HEATR5B: variants seen among roughly 807,000 people sequenced by gnomAD.
HEATR5B encodes the protein HEAT repeat-containing protein 5B.
In HEATR5B, 156 loss-of-function variants were observed where a neutral mutation model predicts 224.1. That is an observed-to-expected ratio of 0.70 (90% CI 0.61 to 0.80). HEATR5B has a LOEUF of 0.80. HEATR5B is among the 30% of genes least tolerant of loss of function. HEATR5B has a pLI of 0.00. For synonymous variants in HEATR5B, 1,027 were observed against 893.0 expected (o/e 1.15, Z -2.68); for missense variants, 2,323 against 2,535.5 (o/e 0.92, Z 1.80).
chr2:36,989,002 G>GAA, intron 34 of HEATR5B, 143 bp from the exon 35 acceptor site: 1 of 633,300 alleles, frequency 1.6e-6, no homozygotes, highest in Non-Finnish European at 2.7e-6. Flanking sequence ...GAGAAATGGA[G>GAA]TAGAATAGAA....
chr2:37,053,401 G>C (rs746230934), intron 17 of HEATR5B, 101 bp downstream of exon 17: 7 of 522,422 alleles, frequency 1.3e-5, no homozygotes, highest in Non-Finnish European at 1.6e-5. Flanking sequence ...CAGTTACCAA[G>C]TGATTTACAT....
At chr2:36,985,013 C>A (rs759363284) in intron 35 of HEATR5B, among the ~76,000 whole-genome samples, 20 of 152,068 alleles carry the variant, frequency 1.3e-4, no homozygotes, top group Non-Finnish European at 2.4e-4. Context: ...TAGCTTATAA[C>A]CTTGGTCATG....
intron 6 of HEATR5B, among the ~76,000 whole-genome samples, chr2:37,071,130 A>ACATCATCATCATCAT (rs57358811): frequency 6.6e-6 from 1 of 151,084 alleles, no homozygotes; most frequent in East Asian, 1.9e-4. Flanking sequence ...TTAAAACATT[A>ACATCATCATCATCAT]CATCATCATC....
chr2:37,013,771 A>G (rs2148415539), intron 27 of HEATR5B, 70 bp downstream of exon 27: 1 of 1,347,736 alleles, frequency 7.4e-7, no homozygotes, highest in East Asian at 2.4e-5. Flanking sequence ...TTTACCAACA[A>G]GAGTAGAGGA....
At chr2:36,999,565 G>C (rs1335589858) in intron 33 of HEATR5B, among the ~76,000 whole-genome samples, 1 of 151,918 alleles carries the variant, frequency 6.6e-6, no homozygotes, top group East Asian at 1.9e-4. Flanking sequence ...TGTAGTCCCA[G>C]CTACTTGGGA....
Position 37,074,734 on chromosome 2 carries a change from A to G in HEATR5B, c.597+751T>C, listed in dbSNP as rs188307135. Among the ~76,000 whole-genome samples the G allele has an allele frequency of 1.2e-4, 18 of 152,378 alleles. No homozygotes were observed. In the East Asian group the frequency reaches 3.3e-3, roughly 28 times the overall value. On this transcript the variant is annotated intron_variant, in intron 5 of 35. Coordinates refer to ENST00000233099, the MANE Select transcript of HEATR5B (RefSeq NM_019024.3). ...AAAACAACCCAATAAAACAATGGAC[A>G]AAAGATTGAGCACATCCTTCTTCGA...
At chr2:37,024,775 A>AT (rs1368585580) in intron 24 of HEATR5B, among the ~76,000 whole-genome samples, 2 of 152,238 alleles carry the variant, frequency 1.3e-5, no homozygotes, top group African/African-American at 4.8e-5. Flanking sequence ...GTCTAGGACT[A>AT]TATCAATCTA....
intron 1 of HEATR5B, 68 bp downstream of exon 1, chr2:37,084,201 C>T (rs1415916277): frequency 2.9e-6 from 1 of 339,932 alleles, no homozygotes; most frequent in African/African-American, 2.1e-5. Flanking sequence ...ATGTCTTCCC[C>T]ACCCGTCTGA....
chr2:37,073,629 C>A (rs1204006882), intron 5 of HEATR5B, among the ~76,000 whole-genome samples: 13 of 152,166 alleles, frequency 8.5e-5, no homozygotes, highest in Admixed American at 8.5e-4. Flanking sequence ...ACATTTAACA[C>A]TACAAGATGT....
At chr2:37,082,249 T>C (rs1342896518) in intron 2 of HEATR5B, among the ~76,000 whole-genome samples, 2 of 151,678 alleles carry the variant, frequency 1.3e-5, no homozygotes, top group African/African-American at 2.4e-5. Flanking sequence ...TTCGTACTTT[T>C]AGCAGTGTTT....
At chr2:37,051,008 T>A (rs1030556533) in intron 17 of HEATR5B, among the ~76,000 whole-genome samples, 1 of 152,224 alleles carries the variant, frequency 6.6e-6, no homozygotes, top group African/African-American at 2.4e-5. Flanking sequence ...ATCACACCAC[T>A]GCACTCCAGC....
chr2:37,082,503 G>C (rs1022512094), intron 2 of HEATR5B, among the ~76,000 whole-genome samples: 1 of 152,194 alleles, frequency 6.6e-6, no homozygotes, highest in South Asian at 2.1e-4. Flanking sequence ...ACATGTTCAT[G>C]ATGGCCATAA....
chr2:37,000,461 A>G (rs1273480800), intron 33 of HEATR5B, 125 bp downstream of exon 33: 1 of 706,606 alleles, frequency 1.4e-6, no homozygotes, highest in Non-Finnish European at 2.5e-6. Flanking sequence ...GAAAGATATG[A>G]CTAACATACC....
rs763588091 is a variant in HEATR5B at position 37,007,146 on chromosome 2, G to T, written c.4681C>A (p.Arg1561Ser). The T allele has an allele frequency of 5.0e-6, 8 of 1,613,934 alleles. No homozygotes were observed. Among genetic ancestry groups the T allele is most frequent in the African/African-American group, 1.3e-5 (1 of 74,888 alleles). Residue 1561 changes from arginine (R) to serine (S), a missense_variant, in exon 29 of 36, where the codon CGT (arginine) becomes AGT (serine). Arg to Ser is a moderately radical substitution (Grantham distance 110). Around this residue, in one of 12 missense-constraint regions of HEATR5B, gnomAD observed 844 missense variants for 812.9 expected, o/e 1.04. Transcript: ENST00000233099. ...EAAAISGLQK[R>S]STSVNLNQAS... is the part of the protein sequence containing the mutation. ...TGGTTTAAATTGACAGATGTAGAAC[G>T]TTTTTGTAAACCAGATATTGCTGCT... is the stretch of plus-strand genomic sequence containing the variant.
At chr2:37,011,637 A>C (rs1031681473) in intron 27 of HEATR5B, among the ~76,000 whole-genome samples, 2 of 152,210 alleles carry the variant, frequency 1.3e-5, no homozygotes, top group African/African-American at 4.8e-5. Context: ...TGTGAATACC[A>C]GTTTTCATAA....
At chr2:37,068,632 G>C in intron 8 of HEATR5B, 49 bp downstream of exon 8, 3 of 1,572,796 alleles carry the variant, frequency 1.9e-6, no homozygotes, top group Non-Finnish European at 2.6e-6. Flanking sequence ...TCATAATAAA[G>C]AACTAAATGA....
intron 7 of HEATR5B, among the ~76,000 whole-genome samples, chr2:37,069,704 T>C (rs1157321737): frequency 6.6e-6 from 1 of 152,202 alleles, no homozygotes; most frequent in Non-Finnish European, 1.5e-5. Context: ...ACAAATATGG[T>C]AGACACAGGC....
intron 5 of HEATR5B, among the ~76,000 whole-genome samples, chr2:37,074,096 C>A (rs1440294332): frequency 2.6e-5 from 4 of 151,882 alleles, no homozygotes; most frequent in Admixed American, 6.6e-5. Flanking sequence ...CCGAGGTGGG[C>A]GGATCACGAG....
chr2:37,083,254 G>A (rs371461691), intron 2 of HEATR5B, 35 bp downstream of exon 2: 6 of 1,611,396 alleles, frequency 3.7e-6, no homozygotes, highest in African/African-American at 1.3e-5. Flanking sequence ...ATCTCTTCAC[G>A]TTAATGCAAC....
Sources: allele counts gnomAD v4.1 joint callset (sites outside exome capture counted in the v4.1 genomes callset), GRCh38; gene constraint gnomAD v4.1.1; regional missense constraint gnomAD v4.1.1; transcripts MANE v1.5; gene names NCBI Gene and HGNC (gene_info 2026-07-23, HGNC 2026-07-21).